The following EMCN variants were observed in gnomAD, a reference collection of about 807,000 sequenced individuals.
EMCN encodes the protein MUC-14.
EMCN carries 37 observed loss-of-function variants against 38.4 expected under a neutral mutation model. The observed-to-expected ratio is 0.96, with a 90% CI of 0.74 to 1.27. The LOEUF is 1.27. Among genes scored for constraint, EMCN ranks in the 50% most tolerant of loss-of-function variants. The pLI is 0.00. For synonymous variants in EMCN, 95 were observed against 100.8 expected (o/e 0.94, Z 0.35); for missense variants, 318 against 302.8 (o/e 1.05, Z -0.37).
chr4:100,486,120 A>G (rs1728934322), intron 1 of EMCN, among the ~76,000 whole-genome samples: 1 of 152,144 alleles, frequency 6.6e-6, no homozygotes, highest in African/African-American at 2.4e-5. Flanking sequence ...ATGGTGTTAT[A>G]TAATTAGTAC....
At chr4:100,468,902 A>T (rs2110267465) in intron 3 of EMCN, among the ~76,000 whole-genome samples, 1 of 152,188 alleles carries the variant, frequency 6.6e-6, no homozygotes, top group South Asian at 2.1e-4. Flanking sequence ...GTATGGAAAC[A>T]CAAAAGATCC....
At chr4:100,417,176 AG>A (rs1238802369) in intron 8 of EMCN, 35 bp from the exon 9 acceptor site, 1 of 1,612,504 alleles carries the variant, frequency 6.2e-7, no homozygotes, top group Admixed American at 1.7e-5. Context: ...AGAGTTGCAA[AG>A]AAGTTGGCTA....
At chr4:100,489,303 A>G (rs1359823006) in intron 1 of EMCN, among the ~76,000 whole-genome samples, 1 of 152,284 alleles carries the variant, frequency 6.6e-6, no homozygotes, top group African/African-American at 2.4e-5. Context: ...GCTATTCCTA[A>G]TCATTATGAA....
chr4:100,456,268 C>G (rs1266680909), intron 4 of EMCN, among the ~76,000 whole-genome samples: 4 of 152,106 alleles, frequency 2.6e-5, no homozygotes, highest in African/African-American at 9.7e-5. Flanking sequence ...TGTTGAAAAA[C>G]CCAAAATATT....
chr4:100,421,650 G>A (rs1021677306), intron 7 of EMCN, among the ~76,000 whole-genome samples: 9 of 152,106 alleles, frequency 5.9e-5, no homozygotes, highest in Non-Finnish European at 1.2e-4. Flanking sequence ...AAGAAGTGGG[G>A]AGATGGGAGA....
chr4:100,413,568 A>C (rs990221794), intron 10 of EMCN, among the ~76,000 whole-genome samples: 2 of 152,186 alleles, frequency 1.3e-5, no homozygotes, highest in Non-Finnish European at 2.9e-5. Flanking sequence ...AGTTCTGTTA[A>C]TGATAGACTT....
At chr4:100,454,177 A>G (rs1727936668) in intron 4 of EMCN, among the ~76,000 whole-genome samples, 1 of 148,980 alleles carries the variant, frequency 6.7e-6, no homozygotes, top group Non-Finnish European at 1.5e-5. Flanking sequence ...GTATAATAAT[A>G]ATAAAAAAAT....
intron 4 of EMCN, among the ~76,000 whole-genome samples, chr4:100,461,267 G>A (rs1340282566): frequency 6.6e-6 from 1 of 152,108 alleles, no homozygotes; most frequent in Non-Finnish European, 1.5e-5. Flanking sequence ...TGTTCAGAGA[G>A]GGATTCTTTG....
chr4:100,424,673 T>C (rs2110220996), intron 5 of EMCN, among the ~76,000 whole-genome samples: 1 of 152,156 alleles, frequency 6.6e-6, no homozygotes, highest in African/African-American at 2.4e-5. Context: ...AAGAAAAATG[T>C]CAGGCTAGTG....
At chr4:100,447,051 C>G (rs1727690956) in intron 5 of EMCN, among the ~76,000 whole-genome samples, 1 of 152,102 alleles carries the variant, frequency 6.6e-6, no homozygotes, top group Non-Finnish European at 1.5e-5. Flanking sequence ...TCCTATTGCT[C>G]CATTATCCAA....
intron 1 of EMCN, among the ~76,000 whole-genome samples, chr4:100,514,332 C>T (rs1270349005): frequency 6.6e-6 from 1 of 152,046 alleles, no homozygotes; most frequent in African/African-American, 2.4e-5. Flanking sequence ...CAGTCACATT[C>T]TCCTTCACTG....
At chr4:100,458,450 A>G (rs971092762) in intron 4 of EMCN, among the ~76,000 whole-genome samples, 1 of 152,206 alleles carries the variant, frequency 6.6e-6, no homozygotes. Context: ...TACAAAATGC[A>G]TACAACCTTA....
intron 5 of EMCN, among the ~76,000 whole-genome samples, chr4:100,428,471 T>TTA (rs1313433338): frequency 6.6e-5 from 10 of 152,194 alleles, no homozygotes; most frequent in Non-Finnish European, 1.5e-4. Flanking sequence ...CCTTTTAACT[T>TTA]ACTATATAAT....
chr4:100,454,642 T>C (rs1727959099), intron 4 of EMCN, among the ~76,000 whole-genome samples: 2 of 152,200 alleles, frequency 1.3e-5, no homozygotes, highest in African/African-American at 4.8e-5. Flanking sequence ...CTATCCTCTT[T>C]TGCTAAGCAT....
At chr4:100,464,887 T>TA in intron 4 of EMCN, among the ~76,000 whole-genome samples, 1 of 152,196 alleles carries the variant, frequency 6.6e-6, no homozygotes, top group East Asian at 1.9e-4. Context: ...TAGCCTCTGA[T>TA]AATTATTTGT....
intron 8 of EMCN, among the ~76,000 whole-genome samples, chr4:100,419,037 A>G (rs1415800009): frequency 2.6e-5 from 4 of 151,974 alleles, no homozygotes; most frequent in Non-Finnish European, 5.9e-5. Flanking sequence ...TTTTCTCCGC[A>G]TTCTCTCCAG....
chr4:100,411,289 A>G (rs1451582972), intron 10 of EMCN, among the ~76,000 whole-genome samples: 1 of 152,178 alleles, frequency 6.6e-6, no homozygotes, highest in African/African-American at 2.4e-5. Context: ...CCCTGCTCCA[A>G]GGCAATCTTT....
chr4:100,414,378 GC>G (rs1726654599), intron 10 of EMCN, among the ~76,000 whole-genome samples: 1 of 22,432 alleles, frequency 4.5e-5, no homozygotes, highest in Non-Finnish European at 1.0e-4. Flanking sequence ...TTTTTTTTTT[GC>G]CCTTTTCCCT....
At chr4:100,502,906 A>G (rs183834375) in intron 1 of EMCN, among the ~76,000 whole-genome samples, 1 of 152,288 alleles carries the variant, frequency 6.6e-6, no homozygotes, top group Admixed American at 6.5e-5. Context: ...AACCAACTTC[A>G]CATTGATAAT....
Sources: gnomAD v4.1 joint callset for allele counts (sites outside exome capture counted in the v4.1 genomes callset) on GRCh38, gnomAD v4.1.1 for gene constraint, MANE v1.5 for transcripts, NCBI Gene and HGNC (gene_info 2026-07-23, HGNC 2026-07-21) for gene names.